INSRR: variants seen among roughly 807,000 people sequenced by gnomAD.
The protein encoded by INSRR is insulin receptor related receptor, also known as insulin receptor-related protein.
A neutral mutation model predicts 130.0 loss-of-function variants in INSRR; 114 were observed. The ratio of observed to expected loss-of-function variants is 0.88; its 90% confidence interval spans 0.75 to 1.02. The LOEUF is 1.02. Ranked by LOEUF, INSRR falls within the 50% of genes least tolerant of loss-of-function variation. The pLI is 0.00. For synonymous variants in INSRR, 674 were observed against 705.2 expected, an observed-to-expected ratio of 0.96 and a Z score of 0.70; for missense variants, 1,657 against 1,735.2, an observed-to-expected ratio of 0.95 and a Z score of 0.80.
At chr1:156,842,062 G>T in intron 19 of INSRR, 50 bp downstream of exon 19, 2 of 1,610,180 alleles carry the variant, frequency 1.2e-6, no homozygotes, top group South Asian at 1.1e-5. Context: ...TAGCTTAAGG[G>T]AGTCTCTCTA....
At chr1:156,841,831 C>T (rs1164670220) in intron 19 of INSRR, 37 bp from the exon 20 acceptor site, 1 of 1,613,932 alleles carries the variant, frequency 6.2e-7, no homozygotes, top group East Asian at 2.2e-5. Context: ...AGGTGTGGGG[C>T]ATAAGAGCCA....
rs781339703 is a variant in INSRR at position 156,845,299 on chromosome 1, G to C, written c.2217-3C>G. On this transcript the variant is annotated splice_region_variant and splice_polypyrimidine_tract_variant and intron_variant, in intron 11 of 21. Coordinates refer to ENST00000368195, the MANE Select transcript of INSRR (RefSeq NM_014215.3). Reference sequence around the variant, plus strand: ...CCCGGCGGTGCCGCCCTGAGTCCCTGGGGAGAGCGAGTCAGAGCCAAGGCC... The same window carrying C: ...CCCGGCGGTGCCGCCCTGAGTCCCTCGGGAGAGCGAGTCAGAGCCAAGGCC... The C allele has an allele frequency of 1.9e-6, 3 of 1,612,780 alleles. No homozygotes were observed. The South Asian group carries it at 3.3e-5, about 18-fold the overall frequency.
rs1298071262 is a variant in INSRR, at chr1:156,846,509, A to G, written c.1810+10T>C. On this transcript the variant is annotated intron_variant, in intron 8 of 21. Coordinates refer to ENST00000368195, the MANE Select transcript of INSRR (RefSeq NM_014215.3). Reference sequence around the variant, plus strand: ...CGTCTGACTGACTCTTGCACCCTCCAAATGCCTACCTGCAGGCAGCGTTCG... The same window carrying G: ...CGTCTGACTGACTCTTGCACCCTCCGAATGCCTACCTGCAGGCAGCGTTCG... 18 of 1,606,842 alleles carry G rather than the reference A, an allele frequency of 1.1e-5. No homozygotes were observed. The highest frequency in any genetic ancestry group is 1.5e-5 in the Non-Finnish European group (18 of 1,173,818).
At chr1:156,853,065 C>CCTCCTTT (rs1003104500) in intron 2 of INSRR, among the ~76,000 whole-genome samples, 1 of 152,002 alleles carries the variant, frequency 6.6e-6, no homozygotes, top group South Asian at 2.1e-4. Flanking sequence ...CCTTTTCTTT[C>CCTCCTTT]CTCCTTTCTC....
intron 7 of INSRR, 131 bp from the exon 8 acceptor site, chr1:156,846,888 A>G: frequency 1.4e-6 from 1 of 710,624 alleles, no homozygotes; most frequent in Admixed American, 2.4e-5. Flanking sequence ...GACTCCAGCC[A>G]CCTGTTAGAC....
In INSRR at chr1:156,844,456, G is replaced by A. The variant is rs778916506; in HGVS notation, c.2737+6C>T. On this transcript the variant is annotated splice_donor_region_variant and intron_variant, in intron 14 of 21. Transcript: ENST00000368195. Reference sequence around the variant, plus strand: ...GATACAGGTCTGTGACAGAGGCTGTGTATACCTGGGCCAAGGATGTAGAAG... The same window carrying A: ...GATACAGGTCTGTGACAGAGGCTGTATATACCTGGGCCAAGGATGTAGAAG... 1.2e-6 allele frequency: 2 copies of A among 1,612,792 alleles called. No homozygotes were observed. Among genetic ancestry groups the A allele is most frequent in the South Asian group, 2.2e-5 (2 of 90,806 alleles).
chr1:156,845,999 C>T lies in INSRR; in HGVS notation c.1931G>A (p.Arg644Gln). The part of the protein sequence containing the change: ...NLTYYLVLWQ[R>Q]LAEDGDLYLN... ...GTAGAGGTCGCCGTCCTCTGCCAGC[C>T]GCTGCCACAGCACCAGGTAGTAGGT... is the stretch of plus-strand genomic sequence containing the variant. The change falls in exon 9 of 22, where the codon CGG becomes CAG. Residue 644 changes from arginine (R) to glutamine (Q), a missense_variant. Physicochemically the swap from Arg to Gln is conservative, Grantham distance 43. Coordinates refer to ENST00000368195, the MANE Select transcript of INSRR (RefSeq NM_014215.3). The T allele has an allele frequency of 6.2e-7, 1 of 1,614,062 alleles. No homozygotes were observed. Among genetic ancestry groups the T allele is most frequent in the Non-Finnish European group, 8.5e-7 (1 of 1,179,990 alleles).
intron 15 of INSRR, 126 bp from the exon 16 acceptor site, chr1:156,843,605 G>A (rs1654880555): frequency 1.0e-6 from 1 of 996,666 alleles, no homozygotes; most frequent in Non-Finnish European, 1.6e-6. Flanking sequence ...GCCTTGGTCA[G>A]GGTGACTCCT....
chr1:156,852,348 C>A (rs1056238966), intron 2 of INSRR, among the ~76,000 whole-genome samples, 157 bp from the exon 3 acceptor site: 1 of 152,254 alleles, frequency 6.6e-6, no homozygotes, highest in African/African-American at 2.4e-5. Flanking sequence ...TGTTCCCCTC[C>A]GATGGGATTC....
chr1:156,853,677 C>A, intron 2 of INSRR, 75 bp downstream of exon 2: 1 of 1,421,404 alleles, frequency 7.0e-7, no homozygotes, highest in Non-Finnish European at 9.6e-7. Context: ...TGACCCACAC[C>A]ATCCTGTGGC....
chr1:156,851,460 G>A lies in INSRR; in HGVS notation c.1085-26C>T, dbSNP rs528039548. ...CTAGGGATGGGAAGACAGGGCTGGA[G>A]TAGGAGCAAGGAAGGTGATGGGTCT... On this transcript the variant is annotated intron_variant, in intron 4 of 21. Transcript: ENST00000368195. 4.1e-5 allele frequency: 66 copies of A among 1,613,986 alleles called. 1 individual carries two copies. In the South Asian group the frequency reaches 7.0e-4, roughly 17 times the overall value.
chr1:156,846,709 G>A lies in INSRR; in HGVS notation c.1620C>T (p.Thr540=), dbSNP rs766897280. The A allele has an allele frequency of 2.5e-6, 4 of 1,614,126 alleles. No individual in the cohort carries two copies. Among genetic ancestry groups the A allele is most frequent in the East Asian group, 2.2e-5 (1 of 44,872 alleles). Residue 540 remains threonine, a synonymous_variant, in exon 8 of 22, where the codon ACC becomes ACT. Coordinates refer to ENST00000368195, the MANE Select transcript of INSRR (RefSeq NM_014215.3). The part of the protein sequence containing the change: ...TEHVGPDACG[T]QSWNLLDVEL... ...CCACATCCAGCAGGTTCCAGCTCTG[G>A]GTTCCACAAGCATCTGGACCCACGT...
chr1:156,851,853 G>T (rs1655222502), intron 3 of INSRR, 35 bp downstream of exon 3: 10 of 1,575,138 alleles, frequency 6.3e-6, no homozygotes, highest in Non-Finnish European at 7.8e-6. Flanking sequence ...CCTCCTCACT[G>T]CTCCCAGGGT....
intron 2 of INSRR, among the ~76,000 whole-genome samples, chr1:156,852,659 C>T (rs915052208): frequency 2.6e-5 from 4 of 152,204 alleles, no homozygotes; most frequent in African/African-American, 4.8e-5. Context: ...CAGCTCCCTG[C>T]CCTGGGCAGG....
Position 156,844,567 on chromosome 1 carries a change from G to T in INSRR, c.2632C>A (p.Leu878Met). The T allele has an allele frequency of 6.2e-7, 1 of 1,614,190 alleles. No individual in the cohort carries two copies. Among genetic ancestry groups the T allele is most frequent in the South Asian group, 1.1e-5 (1 of 91,086 alleles). The change falls in exon 14 of 22, where the codon CTG (leucine) becomes ATG (methionine). Residue 878 changes from leucine (L) to methionine (M), a missense_variant. Leu to Met is a conservative substitution (Grantham distance 15, BLOSUM62 2). Transcript: ENST00000368195. ...LRYAKFGGVH[L>M]ALLPPGNYSA... Reference sequence around the variant, plus strand: ...TAGTTTCCAGGGGGCAGCAGGGCCAGGTGGACTCCCCCAAACTTCGCATAT... The same window carrying T: ...TAGTTTCCAGGGGGCAGCAGGGCCATGTGGACTCCCCCAAACTTCGCATAT...
chr1:156,850,684 A>G (rs1261044703), intron 5 of INSRR, among the ~76,000 whole-genome samples: 2 of 150,708 alleles, frequency 1.3e-5, no homozygotes, highest in East Asian at 2.0e-4. Flanking sequence ...CCTCCCAAGT[A>G]GCTGGGATTA....
At chr1:156,841,265 G>T in intron 21 of INSRR, 129 bp downstream of exon 21, 1 of 1,031,522 alleles carries the variant, frequency 9.7e-7, no homozygotes, top group Non-Finnish European at 1.5e-6. Context: ...TGGGATAGGG[G>T]GGTGGCGCTC....
intron 6 of INSRR, 41 bp downstream of exon 6, chr1:156,849,205 G>A (rs760829400): frequency 1.2e-6 from 2 of 1,607,426 alleles, no homozygotes; most frequent in South Asian, 1.1e-5. Context: ...CGTGTCTAGT[G>A]TGTGGCCGCG....
chr1:156,849,513 G>GGGGGGGGGGGGGGGGGGGGGGGGGGGGGC, intron 5 of INSRR, 53 bp from the exon 6 acceptor site: 1 of 486,118 alleles, frequency 2.1e-6, no homozygotes, highest in Non-Finnish European at 4.1e-6. Context: ...CAGGGGGTGG[G>GGGGGGGGGGGGGGGGGGGGGGGGGGGGGC]AAAGGGGATG....
Sources: gnomAD v4.1 joint callset for allele counts (sites outside exome capture counted in the v4.1 genomes callset) on GRCh38, gnomAD v4.1.1 for gene constraint, MANE v1.5 for transcripts, NCBI Gene and HGNC (gene_info 2026-07-23, HGNC 2026-07-21) for gene names.